Variants in DIAPH1 observed in about 807,000 individuals in gnomAD.
DIAPH1 encodes diaphanous related formin 1.
A neutral mutation model predicts 140.7 loss-of-function variants in DIAPH1; 46 were observed. The observed-to-expected ratio is 0.33, with a 90% CI of 0.26 to 0.42. The LOEUF is 0.42. DIAPH1 is among the 10% of genes least tolerant of loss of function. DIAPH1 has a pLI of 1.00. For missense variants in DIAPH1, 1,310 were observed against 1,558.7 expected (o/e 0.84, Z 2.69); for synonymous variants, 565 against 551.6 (o/e 1.02, Z -0.34).
chr5:141,517,044 G>A, intron 27 of DIAPH1, 36 bp from the exon 28 acceptor site: 19 of 1,612,410 alleles, frequency 1.2e-5, no homozygotes, highest in Non-Finnish European at 1.4e-5. Context: ...TCTATGGAAG[G>A]CCTCATTTCT....
intron 1 of DIAPH1, among the ~76,000 whole-genome samples, chr5:141,595,868 C>T (rs923643712): frequency 6.6e-6 from 1 of 152,138 alleles, no homozygotes; most frequent in African/African-American, 2.4e-5. Context: ...CCTAAAACTG[C>T]TCTTCAAAAA....
At chr5:141,569,907 A>G (rs562320229) in intron 18 of DIAPH1, among the ~76,000 whole-genome samples, 1 of 152,156 alleles carries the variant, frequency 6.6e-6, no homozygotes, top group South Asian at 2.1e-4. Flanking sequence ...AGTGCTTGCA[A>G]TTTTTGAGAG....
chr5:141,520,692 T>C (rs1481014373), intron 27 of DIAPH1, among the ~76,000 whole-genome samples: 1 of 152,150 alleles, frequency 6.6e-6, no homozygotes, highest in African/African-American at 2.4e-5. Context: ...CAGGTGGTCA[T>C]GAGAGCACCT....
chr5:141,548,603 C>G (rs1277749765), intron 18 of DIAPH1, among the ~76,000 whole-genome samples: 1 of 152,054 alleles, frequency 6.6e-6, no homozygotes, highest in Non-Finnish European at 1.5e-5. Flanking sequence ...AATGTTCCAG[C>G]CTGGGCAATA....
At chr5:141,525,950 C>A in intron 26 of DIAPH1, 88 bp downstream of exon 26, 2 of 1,600,930 alleles carry the variant, frequency 1.2e-6, no homozygotes, top group Admixed American at 3.3e-5. Flanking sequence ...GAGGTGAGCT[C>A]AGACATGAGA....
intron 1 of DIAPH1, among the ~76,000 whole-genome samples, chr5:141,616,257 C>T (rs964062546): frequency 6.6e-6 from 1 of 152,218 alleles, no homozygotes; most frequent in Non-Finnish European, 1.5e-5. Flanking sequence ...TTTGTGAGCT[C>T]TGTGTTCTCA....
intron 1 of DIAPH1, among the ~76,000 whole-genome samples, chr5:141,591,362 C>T (rs2099898372): frequency 6.6e-6 from 1 of 151,990 alleles, no homozygotes; most frequent in Non-Finnish European, 1.5e-5. Flanking sequence ...CATTTCCAGA[C>T]TAAGTTACTT....
intron 1 of DIAPH1, among the ~76,000 whole-genome samples, chr5:141,605,016 C>T (rs577027875): frequency 1.5e-4 from 23 of 152,266 alleles, no homozygotes; most frequent in South Asian, 4.2e-4. Context: ...CAAACACACA[C>T]AGAATTTCAT....
rs1284785470 is a variant in DIAPH1 at position 141,573,843 on chromosome 5, C to T, written c.2007G>A (p.Leu669=). 3 of 1,513,190 alleles carry T rather than the reference C, an allele frequency of 2.0e-6. No homozygotes were observed. The highest frequency in any genetic ancestry group is 2.9e-5 in the African/African-American group (2 of 68,352). The allele number at this position is 1,513,190 out of a possible 1,614,324, so 93.7% of individuals were successfully genotyped here. ...EGVGIPSPSS[L]PGGTAIPPPP... is the part of the protein sequence containing the mutation. ...GTGGGGGGATGGCAGTACCTCCAGG[C>T]AAAGAAGAGGGTGAAGGGATGCCAA... Residue 669 remains leucine, a synonymous_variant, in exon 16 of 28, where the codon TTG becomes TTA. Transcript: ENST00000389054.
chr5:141,588,277 A>T, intron 1 of DIAPH1, 27 bp from the exon 2 acceptor site: 1 of 1,591,146 alleles, frequency 6.3e-7, no homozygotes, highest in Non-Finnish European at 8.6e-7. Context: ...AGGAGGGAGA[A>T]GAAAGAAGAG....
chr5:141,548,962 G>A (rs80161145), intron 18 of DIAPH1, among the ~76,000 whole-genome samples: 1 of 152,232 alleles, frequency 6.6e-6, no homozygotes, highest in South Asian at 2.1e-4. Flanking sequence ...TATAACGACA[G>A]GGGAAATGTG....
At chr5:141,517,257 C>T (rs967331670) in intron 27 of DIAPH1, among the ~76,000 whole-genome samples, 47 of 152,160 alleles carry the variant, frequency 3.1e-4, no homozygotes, top group African/African-American at 1.1e-3. Context: ...GTGAAAACAG[C>T]ACAAAAGTTT....
At position 141,565,536 on chromosome 5, in the gene DIAPH1, G is replaced by A. The variant is rs2099894236; in HGVS notation, c.2482+5892C>T. On this transcript the variant is annotated intron_variant, in intron 18 of 27. Transcript: ENST00000389054. This position sits in a 1 kb window ranked among gnomAD's most constrained non-coding sequence, Gnocchi z 4.3. ...TTTAGACAGGACCATGGTAACAGAG[G>A]AAGACAGAATTCTGCTAGGTAAAAG... 6.6e-6 allele frequency among the ~76,000 whole-genome samples: 1 copy of A among 152,150 alleles called. No individual in the cohort carries two copies. The highest frequency in any genetic ancestry group is 1.5e-5 in the Non-Finnish European group (1 of 68,028).
rs1249734180 is a variant in DIAPH1, at chr5:141,582,975, T to C, written c.620+231A>G. Among the ~76,000 whole-genome samples the C allele has an allele frequency of 2.0e-5, 3 of 152,254 alleles. No homozygotes were observed. The East Asian group carries it at 5.8e-4, about 29-fold the overall frequency. ...AACCAGTGCTGGGAGACTAATATTC[T>C]GTGGTATGTATTGAACTTATCCAAC... On this transcript the variant is annotated intron_variant, in intron 6 of 27. Coordinates refer to ENST00000389054, the MANE Select transcript of DIAPH1 (RefSeq NM_005219.5).
intron 8 of DIAPH1, 76 bp downstream of exon 8, chr5:141,580,668 C>T: frequency 1.3e-6 from 2 of 1,489,700 alleles, no homozygotes; most frequent in Non-Finnish European, 1.9e-6. Context: ...GACACCCAAC[C>T]AACTCAATTG....
intron 18 of DIAPH1, among the ~76,000 whole-genome samples, chr5:141,548,081 C>T (rs979583303): frequency 7.2e-5 from 11 of 151,930 alleles, no homozygotes; most frequent in African/African-American, 2.7e-4. Context: ...CGCTTGTAGT[C>T]CTAGCTTCTC....
At chr5:141,597,608 T>C (rs1223429682) in intron 1 of DIAPH1, among the ~76,000 whole-genome samples, 1 of 152,044 alleles carries the variant, frequency 6.6e-6, no homozygotes, top group East Asian at 1.9e-4. Flanking sequence ...ATCCCGGGGA[T>C]AAAGGTTCCA....
chr5:141,578,116 C>T (rs1274945293), intron 11 of DIAPH1, 109 bp downstream of exon 11: 10 of 851,392 alleles, frequency 1.2e-5, no homozygotes, highest in Non-Finnish European at 2.1e-5. Flanking sequence ...ACACATAAGC[C>T]TGATGCTCTG....
intron 1 of DIAPH1, among the ~76,000 whole-genome samples, chr5:141,601,481 G>C (rs1430637246): frequency 2.0e-5 from 3 of 151,820 alleles, no homozygotes; most frequent in Non-Finnish European, 4.4e-5. Flanking sequence ...GTAGAGAAAG[G>C]GTTTCGCCAT....
Sources: allele counts gnomAD v4.1 joint callset (sites outside exome capture counted in the v4.1 genomes callset), GRCh38; gene constraint gnomAD v4.1.1; non-coding constraint Gnocchi (gnomAD v3.1); transcripts MANE v1.5; gene names NCBI Gene and HGNC (gene_info 2026-07-23, HGNC 2026-07-21).